TFF2: variants seen among roughly 807,000 people sequenced by gnomAD.
The protein encoded by TFF2 is spasmolysin.
Under a neutral mutation model 16.0 loss-of-function variants are expected in TFF2, and 19 were observed. The ratio of observed to expected loss-of-function variants is 1.19; its 90% CI spans 0.83 to 1.74. The LOEUF is 1.74. TFF2 is among the 40% of genes most tolerant of loss of function. TFF2 has a pLI of 0.00. For missense variants in TFF2, 168 were observed against 166.8 expected, an observed-to-expected ratio of 1.01 and a Z score of -0.04; for synonymous variants, 61 against 65.4, an observed-to-expected ratio of 0.93 and a Z score of 0.32.
chr21:42,347,443 A>G (rs1376943315), intron 3 of TFF2, 43 bp downstream of exon 3: 8 of 1,612,862 alleles, frequency 5.0e-6, no homozygotes, highest in Middle Eastern at 1.7e-4. Context: ...AGGAGGAATC[A>G]TGGTGTCCGG....
intron 2 of TFF2, among the ~76,000 whole-genome samples, chr21:42,347,901 G>C (rs1044548861): frequency 6.6e-6 from 1 of 152,220 alleles, no homozygotes; most frequent in Non-Finnish European, 1.5e-5. Context: ...ATGTGGGGTG[G>C]TCACAGTCAG....
intron 2 of TFF2, among the ~76,000 whole-genome samples, chr21:42,347,952 C>G (rs888110519): frequency 6.6e-6 from 1 of 152,184 alleles, no homozygotes; most frequent in Non-Finnish European, 1.5e-5. Flanking sequence ...CATTTTGCCT[C>G]TCGGGACTCA....
Position 42,349,477 on chromosome 21 carries a change from C to A in TFF2, c.229+404G>T, listed in dbSNP as rs188761521. On this transcript the variant is annotated intron_variant, in intron 2 of 3. Transcript: ENST00000291526. ...CTAACCAACCTGGGCTAGCCCCAGA[C>A]TAACCAGCCTACGCTAGCCCTAGAC... is the stretch of plus-strand genomic sequence containing the variant. Among the ~76,000 whole-genome samples, 81 of 150,844 alleles carry A rather than the reference C, an allele frequency of 5.4e-4. 2 individuals are homozygous for A. In the East Asian group the frequency reaches 0.013, roughly 24 times the overall value.
chr21:42,347,265 AT>A (rs1226288540), intron 3 of TFF2, among the ~76,000 whole-genome samples: 1 of 152,252 alleles, frequency 6.6e-6, no homozygotes, highest in African/African-American at 2.4e-5. Context: ...GCCATCACAG[AT>A]GACGCAGTGG....
intron 2 of TFF2, 102 bp from the exon 3 acceptor site, chr21:42,347,734 C>G: frequency 6.9e-7 from 1 of 1,442,982 alleles, no homozygotes; most frequent in Admixed American, 2.2e-5. Flanking sequence ...TTGCAGCCTC[C>G]GTGGATCATG....
chr21:42,347,724 T>C, intron 2 of TFF2, 92 bp from the exon 3 acceptor site: 1 of 1,481,196 alleles, frequency 6.8e-7, no homozygotes, highest in Non-Finnish European at 9.1e-7. Flanking sequence ...CAGCGCTGAT[T>C]TGCAGCCTCC....
intron 3 of TFF2, among the ~76,000 whole-genome samples, chr21:42,347,086 G>A (rs2052074480): frequency 6.6e-6 from 1 of 152,240 alleles, no homozygotes; most frequent in South Asian, 2.1e-4. Flanking sequence ...GAACGGGGAA[G>A]CCACGGGAGA....
chr21:42,347,385 T>C, intron 3 of TFF2, 101 bp downstream of exon 3: 2 of 1,515,520 alleles, frequency 1.3e-6, no homozygotes, highest in Admixed American at 3.5e-5. Context: ...TCGATGGCAC[T>C]GAGGCTGCGA....
chr21:42,349,983 CG>C lies in TFF2; in HGVS notation c.126del (p.Cys42TrpfsTer134). 6.3e-7 allele frequency: 1 copy of C among 1,599,812 alleles called. No individual in the cohort carries two copies. Among genetic ancestry groups the C allele is most frequent in the Non-Finnish European group, 8.5e-7 (1 of 1,172,940 alleles). On this transcript the variant is annotated frameshift_variant, in exon 2 of 4. Transcript: ENST00000291526. LOFTEE classifies it high-confidence loss of function. Reference sequence around the variant, plus strand: ...TGGTCACTGGTGATTCCAGGGAAGCCGCAGTTCGTCCTGTTATGGGGGCTCA... The same window carrying C: ...TGGTCACTGGTGATTCCAGGGAAGCCCAGTTCGTCCTGTTATGGGGGCTCA... ...SRLSPHNRTN[C>X]GFPGITSDQC...
chr21:42,347,380 G>A (rs140013939), intron 3 of TFF2, 106 bp downstream of exon 3: 357 of 1,484,396 alleles, frequency 2.4e-4, no homozygotes, highest in Non-Finnish European at 3.0e-4. Flanking sequence ...TGGCCTCGAT[G>A]GCACTGAGGC....
chr21:42,349,805 C>G lies in TFF2; in HGVS notation c.229+76G>C. 2.7e-6 allele frequency: 4 copies of G among 1,456,736 alleles called. No individual in the cohort carries two copies. The South Asian group carries it at 3.9e-5, about 14-fold the overall frequency. The allele number at this position is 1,456,736 out of a possible 1,614,324, so 90.2% of individuals were successfully genotyped here. On this transcript the variant is annotated intron_variant, in intron 2 of 3. Coordinates refer to ENST00000291526, the MANE Select transcript of TFF2 (RefSeq NM_005423.5). ...CTAGCAACTGGGCCTCCTCCGGCCC[C>G]TGCTCTGGGCTCCGCCTGTGAAGCT...
chr21:42,347,736 T>C (rs2052080899), intron 2 of TFF2, 104 bp from the exon 3 acceptor site: 1 of 1,436,012 alleles, frequency 7.0e-7, no homozygotes, highest in African/African-American at 1.4e-5. Context: ...GCAGCCTCCG[T>C]GGATCATGAG....
intron 2 of TFF2, 116 bp downstream of exon 2, chr21:42,349,751 GAGACTAACCCACCC>G: frequency 1.1e-6 from 1 of 950,766 alleles, no homozygotes; most frequent in Non-Finnish European, 1.5e-6. Flanking sequence ...GGGCTAGCTC[GAGACTAACCCACCC>G]AGGCTAACCC....
chr21:42,346,480 T>C lies in TFF2; in HGVS notation c.*53A>G. ...GAAGCTGATAAGGCGAAGTTTCTTC[T>C]TTGGTTTCGGAACACCCGGTGAGCC... On this transcript the variant is annotated 3_prime_UTR_variant, in exon 4 of 4. Transcript: ENST00000291526. 6.2e-7 allele frequency: 1 copy of C among 1,611,090 alleles called. No homozygotes were observed.
At chr21:42,348,944 A>G (rs1054169680) in intron 2 of TFF2, among the ~76,000 whole-genome samples, 2 of 151,612 alleles carry the variant, frequency 1.3e-5, no homozygotes, top group Admixed American at 1.3e-4. Flanking sequence ...CCTCTAGACT[A>G]GCAGTCCAGG....
In TFF2 at chr21:42,350,918, C is replaced by A. The variant is rs765949011; in HGVS notation, c.40G>T (p.Val14Phe). ...CCCGCCAGGGCACATAGCCCCAGGACGAGGAGCGCTGCCAGGAGCTGGGCG... is the reference window on the plus strand; with the variant it reads ...CCCGCCAGGGCACATAGCCCCAGGAAGAGGAGCGCTGCCAGGAGCTGGGCG... ...RDAQLLAALL[V>F]LGLCALAGSE... The change falls in exon 1 of 4, where the codon GTC becomes TTC. Residue 14 changes from valine (V) to phenylalanine (F), a missense_variant. Physicochemically the swap from Val to Phe is conservative, Grantham distance 50. Coordinates refer to ENST00000291526, the MANE Select transcript of TFF2 (RefSeq NM_005423.5). 1 of 1,613,926 alleles carries A rather than the reference C, an allele frequency of 6.2e-7. No individual in the cohort carries two copies. Among genetic ancestry groups the A allele is most frequent in the Non-Finnish European group, 8.5e-7 (1 of 1,179,926 alleles).
chr21:42,348,527 A>T (rs1438350633), intron 2 of TFF2, among the ~76,000 whole-genome samples: 5 of 152,204 alleles, frequency 3.3e-5, no homozygotes, highest in Admixed American at 3.3e-4. Flanking sequence ...GAAACAGGGT[A>T]GGTGGGAAAT....
In TFF2 at chr21:42,350,061, T is replaced by A. The variant is rs1250221769; in HGVS notation, c.80-31A>T. ...GAAAGACCCTCAGTCGGCCCCACCC[T>A]GGTACCCCAGACCACACTGCTCCTT... On this transcript the variant is annotated intron_variant, in intron 1 of 3. Coordinates refer to ENST00000291526, the MANE Select transcript of TFF2 (RefSeq NM_005423.5). 3.8e-6 allele frequency: 6 copies of A among 1,577,506 alleles called. No individual in the cohort carries two copies. The South Asian group carries it at 4.6e-5, about 12-fold the overall frequency.
At chr21:42,350,142 A>G (rs1236136107) in intron 1 of TFF2, 112 bp from the exon 2 acceptor site, 2 of 1,423,598 alleles carry the variant, frequency 1.4e-6, no homozygotes, top group Non-Finnish European at 1.8e-6. Flanking sequence ...AGAGAAACAC[A>G]AAGTCTTATC....
Sources: gnomAD v4.1 joint callset for allele counts (sites outside exome capture counted in the v4.1 genomes callset) on GRCh38, gnomAD v4.1.1 for gene constraint, MANE v1.5 for transcripts, NCBI Gene and HGNC (gene_info 2026-07-23, HGNC 2026-07-21) for gene names.